Variants in RAP1A observed in about 807,000 individuals in gnomAD.
RAP1A encodes the protein ras-related protein Rap-1A.
RAP1A carries 6 observed loss-of-function variants against 26.4 expected under a neutral mutation model. The observed-to-expected ratio is 0.23, with a 90% CI of 0.12 to 0.45. The LOEUF (loss-of-function observed/expected upper bound fraction) is 0.45. Among genes scored for constraint, RAP1A ranks in the 20% least tolerant of loss-of-function variants. The probability of loss-of-function intolerance (pLI) is 0.99; values close to 1 mark genes in which losing one functional copy is unlikely to be tolerated. For missense variants in RAP1A, 121 were observed against 217.2 expected (o/e 0.56, Z 2.78); for synonymous variants, 73 against 79.4 (o/e 0.92, Z 0.43).
chr1:111,547,491 A>G (rs1056509515), intron 1 of RAP1A, among the ~76,000 whole-genome samples: 26 of 152,214 alleles, frequency 1.7e-4, no homozygotes, highest in African/African-American at 6.0e-4. Context: ...GTTAAAAAAT[A>G]TAAAATATAA....
intron 1 of RAP1A, among the ~76,000 whole-genome samples, chr1:111,673,571 G>T (rs1171888717): frequency 6.6e-6 from 1 of 152,160 alleles, no homozygotes; most frequent in African/African-American, 2.4e-5. Context: ...CATAATGTTA[G>T]GGACTCAGAA....
chr1:111,608,824 A>AGGCTGCAGTGAGCCGAGAT (rs1333114960), intron 1 of RAP1A: 2 of 154,324 alleles, frequency 1.3e-5, no homozygotes, highest in African/African-American at 4.8e-5. Context: ...CCAGGCAGGG[A>AGGCTGCAGTGAGCCGAGAT]GGCTGCAGTG....
At chr1:111,699,612 A>G (rs1216598636) in intron 4 of RAP1A, among the ~76,000 whole-genome samples, 1 of 151,164 alleles carries the variant, frequency 6.6e-6, no homozygotes, top group Non-Finnish European at 1.5e-5. Context: ...CTGCAGGTGC[A>G]TACCACCACA....
chr1:111,617,007 C>T (rs147267156), upstream of RAP1A, among the ~76,000 whole-genome samples: 20 of 152,252 alleles, frequency 1.3e-4, no homozygotes, highest in African/African-American at 4.3e-4. Flanking sequence ...GGAAAAGGTC[C>T]ATACGTGTGT....
At chr1:111,611,976 A>AT (rs1287482966) in intron 1 of RAP1A, among the ~76,000 whole-genome samples, 2 of 149,370 alleles carry the variant, frequency 1.3e-5, no homozygotes, top group Admixed American at 1.3e-4. Context: ...ATATCCATAT[A>AT]TTTGGGTTGT....
intron 1 of RAP1A, among the ~76,000 whole-genome samples, chr1:111,561,024 C>G (rs1450848119): frequency 6.6e-6 from 1 of 152,182 alleles, no homozygotes; most frequent in Admixed American, 6.5e-5. Context: ...TGCTTTGTGT[C>G]CAGCGAACAA....
intron 1 of RAP1A, among the ~76,000 whole-genome samples, chr1:111,551,766 G>GTTTTT (rs56257032): frequency 0.01 from 1,562 of 149,072 alleles, 27 homozygotes; most frequent in African/African-American, 0.032. Context: ...GTTTTGTTTT[G>GTTTTT]TTTTTTTGAG....
At chr1:111,632,767 A>AAAAACT (rs2101106147) in intron 1 of RAP1A, among the ~76,000 whole-genome samples, 1 of 152,114 alleles carries the variant, frequency 6.6e-6, no homozygotes, top group African/African-American at 2.4e-5. Flanking sequence ...AAAAATACAA[A>AAAAACT]AAAACTAGCT....
At chr1:111,649,805 G>A (rs1003546171) in intron 1 of RAP1A, among the ~76,000 whole-genome samples, 2 of 152,056 alleles carry the variant, frequency 1.3e-5, no homozygotes, top group Non-Finnish European at 2.9e-5. Flanking sequence ...GTTGTCTTAG[G>A]TTCCTAAGAC....
At chr1:111,668,937 T>C (rs1660884436) in intron 1 of RAP1A, among the ~76,000 whole-genome samples, 1 of 148,888 alleles carries the variant, frequency 6.7e-6, no homozygotes, top group Non-Finnish European at 1.5e-5. Flanking sequence ...GGTTGAGGTA[T>C]GAGGATCCCT....
chr1:111,633,290 C>G (rs995532847), intron 1 of RAP1A, among the ~76,000 whole-genome samples: 43 of 152,156 alleles, frequency 2.8e-4, no homozygotes, highest in African/African-American at 1.0e-3. Flanking sequence ...TCTAATCATA[C>G]AGTTGATTTG....
chr1:111,556,475 A>G (rs1035433526), intron 1 of RAP1A, among the ~76,000 whole-genome samples: 3 of 152,232 alleles, frequency 2.0e-5, no homozygotes, highest in African/African-American at 7.2e-5. Context: ...CATTACTCAC[A>G]GTTGCCATAG....
chr1:111,562,322 A>G (rs902202119), intron 1 of RAP1A, among the ~76,000 whole-genome samples: 1 of 152,214 alleles, frequency 6.6e-6, no homozygotes, highest in Admixed American at 6.5e-5. Context: ...CAACCATAAT[A>G]GGAGGTCAAG....
intron 1 of RAP1A, among the ~76,000 whole-genome samples, chr1:111,559,103 A>G (rs891018648): frequency 6.6e-6 from 1 of 152,190 alleles, no homozygotes; most frequent in Non-Finnish European, 1.5e-5. Flanking sequence ...ACTTCTTTAG[A>G]ATTTGAAAAT....
intron 1 of RAP1A, among the ~76,000 whole-genome samples, chr1:111,576,353 T>C (rs1258792911): frequency 6.6e-6 from 1 of 152,178 alleles, no homozygotes; most frequent in African/African-American, 2.4e-5. Context: ...AATTGAATCC[T>C]ATATTTGTAT....
rs1553229935 is a variant in RAP1A at position 111,715,319 on chromosome 1, G to GCAC, written c.*2919_*2920insACC. On this transcript the variant is annotated 3_prime_UTR_variant, in exon 8 of 8. Transcript: ENST00000369709. ...TCTTGAACTCCTGACTTCGTGATCC[G>GCAC]CCCCCCCCTCAGCCTCCCAAAGTGC... is the stretch of plus-strand genomic sequence containing the variant. 2.1e-5 allele frequency: 3 copies of GCAC among 142,958 alleles called. No individual in the cohort carries two copies. Among genetic ancestry groups the GCAC allele is most frequent in the African/African-American group, 8.4e-5 (3 of 35,646 alleles). The allele number at this position is 142,958 out of a possible 1,614,324, so 8.9% of individuals were successfully genotyped here. A position where few individuals can be genotyped will look rare whatever the true frequency, so the allele number is the denominator to read the frequency against.
intron 1 of RAP1A, among the ~76,000 whole-genome samples, chr1:111,572,173 A>G (rs1658061603): frequency 1.3e-5 from 2 of 152,234 alleles, no homozygotes; most frequent in African/African-American, 4.8e-5. Flanking sequence ...GCGGCAATCA[A>G]TTATGTAGTA....
chr1:111,700,634 C>A (rs1051179491), intron 4 of RAP1A, among the ~76,000 whole-genome samples: 1 of 152,160 alleles, frequency 6.6e-6, no homozygotes, highest in African/African-American at 2.4e-5. Context: ...ACTTCGAGCT[C>A]TTATATCTAA....
chr1:111,550,977 A>T (rs554382862), intron 1 of RAP1A, among the ~76,000 whole-genome samples: 2 of 151,370 alleles, frequency 1.3e-5, no homozygotes, highest in South Asian at 4.1e-4. Flanking sequence ...TCATTATAAA[A>T]TGTTCTTCTT....
Sources: allele counts gnomAD v4.1 joint callset (sites outside exome capture counted in the v4.1 genomes callset), GRCh38; gene constraint gnomAD v4.1.1; transcripts MANE v1.5; gene names NCBI Gene and HGNC (gene_info 2026-07-23, HGNC 2026-07-21).